Variants in ABCA8 observed in about 807,000 individuals in gnomAD.
ABCA8 encodes the protein ABC-type organic anion transporter ABCA8.
A neutral mutation model predicts 192.3 loss-of-function variants in ABCA8; 177 were observed. That is an observed-to-expected ratio of 0.92 (90% CI 0.81 to 1.04). ABCA8 has a LOEUF of 1.04. Ranked by LOEUF, ABCA8 falls within the 50% of genes least tolerant of loss-of-function variation. ABCA8 has a pLI of 0.00. For synonymous variants in ABCA8, 642 were observed against 690.2 expected (o/e 0.93, Z 1.09); for missense variants, 1,915 against 1,904.8 (o/e 1.01, Z -0.10).
intron 21 of ABCA8, among the ~76,000 whole-genome samples, chr17:68,895,460 CTT>C (rs1327782303): frequency 2.0e-5 from 3 of 152,148 alleles, no homozygotes; most frequent in African/African-American, 7.2e-5. Flanking sequence ...ACAATCATAA[CTT>C]ATAAAAATTC....
intron 35 of ABCA8, 43 bp downstream of exon 35, chr17:68,876,417 G>A: frequency 6.2e-7 from 1 of 1,612,352 alleles, no homozygotes; most frequent in East Asian, 2.2e-5. Flanking sequence ...CAGGCTCCAT[G>A]CAAGTCATCC....
intron 29 of ABCA8, 93 bp from the exon 30 acceptor site, chr17:68,882,812 G>T: frequency 8.3e-7 from 1 of 1,206,180 alleles, no homozygotes; most frequent in Middle Eastern, 2.0e-4. Flanking sequence ...AGTAGTACGA[G>T]CAATTAACAA....
At chr17:68,948,140 T>C (rs1237204802) in intron 2 of ABCA8, among the ~76,000 whole-genome samples, 3 of 152,250 alleles carry the variant, frequency 2.0e-5, no homozygotes, top group Admixed American at 6.5e-5. Context: ...TTAGCCAGTC[T>C]AACATTGTTG....
Position 68,907,894 on chromosome 17 carries a change from A to G in ABCA8, c.2139-15T>C. 6.4e-7 allele frequency: 1 copy of G among 1,563,180 alleles called. No homozygotes were observed. Among genetic ancestry groups the G allele is most frequent in the East Asian group, 2.3e-5 (1 of 44,282 alleles). The stretch of plus-strand genomic sequence containing the variant: ...TTAACTGCAAGCTGGCATTCAGAAA[A>G]AAAAAAAAAGACATATGTTACTCGA... On this transcript the variant is annotated splice_polypyrimidine_tract_variant and intron_variant, in intron 17 of 39. Transcript: ENST00000586539.
intron 28 of ABCA8, 90 bp from the exon 29 acceptor site, chr17:68,883,972 A>G: frequency 1.2e-6 from 1 of 809,308 alleles, no homozygotes; most frequent in Non-Finnish European, 1.9e-6. Context: ...ACTTCTAAAA[A>G]AATACATTCA....
Position 68,882,592 on chromosome 17 carries a change from G to C in ABCA8, c.3828+7C>G. ...ACTAATAAAAAAACCTTTGTGTTAT[G>C]TTTTACCTCATCAAAATTAGTAGAA... On this transcript the variant is annotated splice_region_variant and intron_variant, in intron 30 of 39. Transcript: ENST00000586539. 2.5e-6 allele frequency: 4 copies of C among 1,609,906 alleles called. No individual in the cohort carries two copies. The highest frequency in any genetic ancestry group is 3.4e-6 in the Non-Finnish European group (4 of 1,178,322).
At chr17:68,931,503 T>C (rs2067876776) in intron 7 of ABCA8, among the ~76,000 whole-genome samples, 2 of 152,204 alleles carry the variant, frequency 1.3e-5, no homozygotes, top group South Asian at 4.1e-4. Flanking sequence ...TCAAAGTTTT[T>C]TTATTTACTT....
intron 7 of ABCA8, among the ~76,000 whole-genome samples, chr17:68,931,429 A>G (rs1045255215): frequency 6.6e-6 from 1 of 152,188 alleles, no homozygotes; most frequent in Non-Finnish European, 1.5e-5. Flanking sequence ...ATGGACATTG[A>G]TGTGTGATAG....
Position 68,937,119 on chromosome 17 carries a change from T to C in ABCA8, c.302-4A>G. The C allele has an allele frequency of 6.3e-7, 1 of 1,584,406 alleles. No individual in the cohort carries two copies. Among genetic ancestry groups the C allele is most frequent in the Non-Finnish European group, 8.5e-7 (1 of 1,170,028 alleles). On this transcript the variant is annotated splice_polypyrimidine_tract_variant and splice_region_variant and intron_variant, in intron 4 of 39. Transcript: ENST00000586539. ...GGCAGTCCCAAGACCTCTTTACCTT[T>C]TGTTACAAGAAGGAATATTATTGTT...
At chr17:68,888,488 C>G (rs2066546796) in intron 24 of ABCA8, among the ~76,000 whole-genome samples, 1 of 152,104 alleles carries the variant, frequency 6.6e-6, no homozygotes, top group Admixed American at 6.6e-5. Context: ...CTCACAACAT[C>G]AGACACAGGT....
At position 68,929,662 on chromosome 17, in the gene ABCA8, T is replaced by C. The variant is rs149397233; in HGVS notation, c.838A>G (p.Met280Val). Residue 280 changes from methionine (M) to valine (V), a missense_variant, in exon 8 of 40, where the codon ATG becomes GTG. Transcript: ENST00000586539. ...GLLYAGFIFIMALFLALVIRS... is the reference protein window; with the variant it reads ...GLLYAGFIFIVALFLALVIRS... ...ATAACAAGTGCCAAGAAAAGGGCCA[T>C]AATGAAGATGAAACCAGCATAGAGC... 6.8e-5 allele frequency: 110 copies of C among 1,613,616 alleles called. No homozygotes were observed. The highest frequency in any genetic ancestry group is 4.9e-4 in the Middle Eastern group (3 of 6,080).
Position 68,906,176 on chromosome 17 carries a change from T to C in ABCA8, c.2279-13A>G. 6.7e-7 allele frequency: 1 copy of C among 1,488,984 alleles called. No individual in the cohort carries two copies. The highest frequency in any genetic ancestry group is 8.9e-7 in the Non-Finnish European group (1 of 1,119,014). 92.2% of individuals were successfully genotyped at this position (1,488,984 alleles called of 1,614,324 possible). A position where few individuals can be genotyped will look rare whatever the true frequency, so the allele number is the denominator to read the frequency against. ...TCCTTGTAAAGTTCTAAAGAATACA[T>C]ATACAGCAGTGAATTAAAACAAGAA... On this transcript the variant is annotated splice_polypyrimidine_tract_variant and intron_variant, in intron 18 of 39. Transcript: ENST00000586539.
chr17:68,868,280 G>T (rs116399448), intron 39 of ABCA8, 21 bp downstream of exon 39: 2 of 1,611,838 alleles, frequency 1.2e-6, no homozygotes, highest in South Asian at 2.2e-5. Context: ...TGGATGATAC[G>T]AATCCCTAAA....
chr17:68,924,523 C>T (rs944579542), intron 11 of ABCA8, among the ~76,000 whole-genome samples, 178 bp downstream of exon 11: 3 of 151,980 alleles, frequency 2.0e-5, no homozygotes, highest in Non-Finnish European at 4.4e-5. Flanking sequence ...CAATGTTAGG[C>T]TGTAAGGGGT....
At chr17:68,875,797 A>G in intron 35 of ABCA8, 64 bp from the exon 36 acceptor site, 1 of 1,544,904 alleles carries the variant, frequency 6.5e-7, no homozygotes, top group Non-Finnish European at 8.7e-7. Flanking sequence ...AGAGATAGAG[A>G]AAAGAATTTT....
At chr17:68,877,933 T>C (rs1425318724) in intron 32 of ABCA8, 1 of 382,968 alleles carries the variant, frequency 2.6e-6, no homozygotes, top group African/African-American at 2.1e-5. Flanking sequence ...CTGTCCATCC[T>C]GGCCAACAGT....
rs187441275 is a variant in ABCA8 at position 68,875,764 on chromosome 17, G to A, written c.4371-31C>T. On this transcript the variant is annotated intron_variant, in intron 35 of 39. Coordinates refer to ENST00000586539, the MANE Select transcript of ABCA8 (RefSeq NM_001288985.2). Reference sequence around the variant, plus strand: ...ATGTCAAGAGATTATTTGCAATTTAGGAAATCCTCTAATTAATCAGAAAGA... The same window carrying A: ...ATGTCAAGAGATTATTTGCAATTTAAGAAATCCTCTAATTAATCAGAAAGA... The A allele has an allele frequency of 4.5e-4, 712 of 1,592,806 alleles. 7 individuals are homozygous for A. In the African/African-American group the frequency reaches 8.8e-3, roughly 20 times the overall value.
chr17:68,891,797 A>G (rs1001448070), intron 23 of ABCA8, among the ~76,000 whole-genome samples: 1 of 152,204 alleles, frequency 6.6e-6, no homozygotes, highest in Non-Finnish European at 1.5e-5. Flanking sequence ...GTGATTGAAA[A>G]GATGAATGCA....
intron 9 of ABCA8, 54 bp from the exon 10 acceptor site, chr17:68,928,117 AAC>A: frequency 7.0e-7 from 1 of 1,424,914 alleles, no homozygotes; most frequent in South Asian, 1.3e-5. Flanking sequence ...ATACATTTTA[AAC>A]AGTTAGGTTT....
Sources: allele counts gnomAD v4.1 joint callset (sites outside exome capture counted in the v4.1 genomes callset), GRCh38; gene constraint gnomAD v4.1.1; transcripts MANE v1.5; gene names NCBI Gene and HGNC (gene_info 2026-07-23, HGNC 2026-07-21).